Variants in RAG1 observed in about 807,000 individuals in gnomAD.
RAG1 encodes the protein V(D)J recombination-activating protein 1.
RAG1 carries 35 observed loss-of-function variants against 62.7 expected under a neutral mutation model. That is an observed-to-expected ratio of 0.56 (90% CI 0.43 to 0.74). The LOEUF is 0.74. Among genes scored for constraint, RAG1 ranks in the 30% least tolerant of loss-of-function variants. The pLI, the probability that RAG1 is intolerant of heterozygous loss-of-function variation, is 0.00. For missense variants in RAG1, 1,169 were observed against 1,278.6 expected, an observed-to-expected ratio of 0.91 and a Z score of 1.31; for synonymous variants, 461 against 470.3, an observed-to-expected ratio of 0.98 and a Z score of 0.26.
chr11:36,516,007 G>T (rs1189345051), intron 1 of RAG1, among the ~76,000 whole-genome samples: 3 of 152,110 alleles, frequency 2.0e-5, no homozygotes, highest in South Asian at 2.1e-4. Context: ...CTTGGATAAA[G>T]GAATGAGTCT....
chr11:36,519,309 C>T (rs1031390794), intron 1 of RAG1, among the ~76,000 whole-genome samples: 3 of 152,054 alleles, frequency 2.0e-5, no homozygotes, highest in African/African-American at 7.2e-5. Flanking sequence ...TGCCAAAAAT[C>T]GTATTCCGGA....
Position 36,576,704 on chromosome 11 carries a change from C to T in RAG1, c.*268C>T. On this transcript the variant is annotated 3_prime_UTR_variant, in exon 2 of 2. Transcript: ENST00000299440. The stretch of plus-strand genomic sequence containing the variant: ...TCAGAACAGGAGTAACTGCAGGGGA[C>T]CAGAGATGAGCAAAGATCTGTGTGT... 2.1e-6 allele frequency: 1 copy of T among 484,520 alleles called. No individual in the cohort carries two copies. Among genetic ancestry groups the T allele is most frequent in the South Asian group, 2.3e-5 (1 of 44,170 alleles). 30.0% of individuals were successfully genotyped at this position (484,520 alleles called of 1,614,324 possible). A position where few individuals can be genotyped will look rare whatever the true frequency, so the allele number is the denominator to read the frequency against.
chr11:36,511,627 A>G (rs1440558687), intron 1 of RAG1, among the ~76,000 whole-genome samples: 2 of 152,238 alleles, frequency 1.3e-5, no homozygotes, highest in Admixed American at 6.5e-5. Flanking sequence ...CTTTTAAAAG[A>G]TTGTATTTTG....
intron 1 of RAG1, among the ~76,000 whole-genome samples, chr11:36,515,107 A>G (rs1222953066): frequency 6.6e-6 from 1 of 152,158 alleles, no homozygotes; most frequent in Non-Finnish European, 1.5e-5. Context: ...TAAGGAGGTG[A>G]CACAACCTGG....
At chr11:36,512,329 T>C (rs1386306042) in intron 1 of RAG1, among the ~76,000 whole-genome samples, 1 of 152,226 alleles carries the variant, frequency 6.6e-6, no homozygotes, top group Non-Finnish European at 1.5e-5. Context: ...AGTTGATGTA[T>C]GAAGGGCAGT....
intron 3 of RAG1, among the ~76,000 whole-genome samples, chr11:36,546,845 T>C (rs1850400998): frequency 6.6e-6 from 1 of 152,108 alleles, no homozygotes. Context: ...AAGCTTAGTT[T>C]GGCCGATTTG....
chr11:36,541,035 C>G (rs1038225738), intron 3 of RAG1, among the ~76,000 whole-genome samples: 10 of 152,132 alleles, frequency 6.6e-5, no homozygotes, highest in Admixed American at 6.5e-4. Flanking sequence ...TCCCCAGTTC[C>G]GGTTTCCACA....
At position 36,573,346 on chromosome 11, in the gene RAG1, C is replaced by T; in HGVS notation, c.42C>T (p.Ala14=). 6.2e-7 allele frequency: 1 copy of T among 1,614,108 alleles called. No homozygotes were observed. Among genetic ancestry groups the T allele is most frequent in the Non-Finnish European group, 8.5e-7 (1 of 1,180,028 alleles). ...SFPPTLGLSS[A]PDEIQHPHIK... ...CACCCACCTTGGGACTCAGTTCTGC[C>T]CCAGATGAAATTCAGCACCCACATA... Residue 14 remains alanine (A), a synonymous_variant, in exon 2 of 2, where the codon GCC becomes GCT. Transcript: ENST00000299440.
rs757237046 is a variant in RAG1, at chr11:36,560,925, C to T, written c.-411-2460C>T. ...CTGAATTCTAGTGTTCCGCGTTAGACGCTGTACTCAAAGTGTAGTTATTTG... is the reference window on the plus strand; with the variant it reads ...CTGAATTCTAGTGTTCCGCGTTAGATGCTGTACTCAAAGTGTAGTTATTTG... On this transcript the variant is annotated intron_variant and NMD_transcript_variant, in intron 3 of 9. Transcript: ENST00000534663. 5.9e-5 allele frequency among the ~76,000 whole-genome samples: 9 copies of T among 152,162 alleles called. 1 individual carries two copies. The highest frequency in any genetic ancestry group is 1.2e-4 in the Non-Finnish European group (8 of 68,036).
chr11:36,525,536 C>A (rs756443316), intron 2 of RAG1, among the ~76,000 whole-genome samples: 1 of 152,012 alleles, frequency 6.6e-6, no homozygotes, highest in African/African-American at 2.4e-5. Context: ...CATGGTATGT[C>A]TCAATTTATT....
At position 36,575,875 on chromosome 11, in the gene RAG1, C is replaced by A; in HGVS notation, c.2571C>A (p.Ala857=). 1 of 1,614,172 alleles carries A rather than the reference C, an allele frequency of 6.2e-7. No homozygotes were observed. The highest frequency in any genetic ancestry group is 8.5e-7 in the Non-Finnish European group (1 of 1,180,042). ...TCATGAGGATGAATGGCAACTTTGCCAGGAAGCTCATGACCAAAGAGACTG... is the reference window on the plus strand; with the variant it reads ...TCATGAGGATGAATGGCAACTTTGCAAGGAAGCTCATGACCAAAGAGACTG... ...KPIMRMNGNF[A]RKLMTKETVD... is the part of the protein sequence containing the mutation. Residue 857 remains alanine, a synonymous_variant, in exon 2 of 2, where the codon GCC becomes GCA. Coordinates refer to ENST00000299440, the MANE Select transcript of RAG1 (RefSeq NM_000448.3). The surrounding 1 kb of genome is among the most constrained non-coding windows in gnomAD (Gnocchi z 4.1).
chr11:36,537,865 AT>A (rs1860356106), downstream of RAG1, among the ~76,000 whole-genome samples: 1 of 151,936 alleles, frequency 6.6e-6, no homozygotes, highest in South Asian at 2.1e-4. Context: ...ATCTATCTCC[AT>A]TTTTTTCCCT....
rs570885960 is a variant in RAG1, at chr11:36,575,756, G to C, written c.2452G>C (p.Val818Leu). 2.5e-6 allele frequency: 4 copies of C among 1,614,218 alleles called. No homozygotes were observed. The South Asian group carries it at 4.4e-5, about 18-fold the overall frequency. ...GATCTTCCAGCTAGAGATAGGGGAAGTGTATAAGAATCCCAATGCTTCCAA... is the reference window on the plus strand; with the variant it reads ...GATCTTCCAGCTAGAGATAGGGGAACTGTATAAGAATCCCAATGCTTCCAA... ...YKIFQLEIGE[V>L]YKNPNASKEE... Residue 818 changes from valine to leucine, a missense_variant, in exon 2 of 2, where the codon GTG becomes CTG. Physicochemically the swap from Val to Leu is conservative, Grantham distance 32 (BLOSUM62 1). This residue lies in a region of RAG1 where 800 missense variants were observed against 943.3 expected (regional missense o/e 0.85). Transcript: ENST00000299440. This position sits in a 1 kb window ranked among gnomAD's most constrained non-coding sequence, Gnocchi z 4.1.
At chr11:36,569,505 T>TTAG in intron 1 of RAG1, among the ~76,000 whole-genome samples, 1 of 152,214 alleles carries the variant, frequency 6.6e-6, no homozygotes, top group African/African-American at 2.4e-5. Context: ...TAGCCTGCTT[T>TTAG]CTCCATGTTC....
chr11:36,529,887 G>A (rs934893723), intron 2 of RAG1, among the ~76,000 whole-genome samples: 1 of 151,738 alleles, frequency 6.6e-6, no homozygotes, highest in Admixed American at 6.6e-5. Flanking sequence ...AAAAGATTGT[G>A]TACAATTGAT....
Position 36,577,300 on chromosome 11 carries a change from A to G in RAG1, c.*864A>G, listed in dbSNP as rs1356283118. On this transcript the variant is annotated 3_prime_UTR_variant, in exon 2 of 2. Coordinates refer to ENST00000299440, the MANE Select transcript of RAG1 (RefSeq NM_000448.3). The stretch of plus-strand genomic sequence containing the variant: ...TTCCAAATTTAGAGCTTCTGCATAC[A>G]GTCTTAAAGCCACAGAGGCTTGTAA... 3 of 167,090 alleles carry G rather than the reference A, an allele frequency of 1.8e-5. No individual in the cohort carries two copies. The highest frequency in any genetic ancestry group is 4.4e-5 in the Non-Finnish European group (3 of 68,124). 10.4% of individuals were successfully genotyped at this position (167,090 alleles called of 1,614,324 possible).
chr11:36,517,128 A>G (rs1860007047), intron 1 of RAG1, among the ~76,000 whole-genome samples: 1 of 152,242 alleles, frequency 6.6e-6, no homozygotes, highest in Non-Finnish European at 1.5e-5. Flanking sequence ...ACTTGTTTCC[A>G]GTGTTCCTGA....
intron 3 of RAG1, among the ~76,000 whole-genome samples, chr11:36,563,005 A>G (rs1441625458): frequency 4.6e-5 from 7 of 151,976 alleles, no homozygotes; most frequent in Admixed American, 3.3e-4. Context: ...ATTTGTACAC[A>G]CACACTTCTG....
At chr11:36,569,166 A>G (rs1200489705) in intron 1 of RAG1, among the ~76,000 whole-genome samples, 2 of 152,170 alleles carry the variant, frequency 1.3e-5, no homozygotes, top group African/African-American at 4.8e-5. Flanking sequence ...GGCCTCCTGA[A>G]CTAATGATAT....
Sources: gnomAD v4.1 joint callset for allele counts (sites outside exome capture counted in the v4.1 genomes callset) on GRCh38, gnomAD v4.1.1 for gene constraint, gnomAD v4.1.1 regional missense constraint, Gnocchi (gnomAD v3.1) non-coding constraint, MANE v1.5 for transcripts, NCBI Gene and HGNC (gene_info 2026-07-23, HGNC 2026-07-21) for gene names.